TMED9: variants seen among roughly 807,000 people sequenced by gnomAD.
TMED9 encodes transmembrane p24 trafficking protein 9.
In TMED9, 22 loss-of-function variants were observed where a neutral mutation model predicts 30.6. That is an observed-to-expected ratio of 0.72 (90% CI 0.51 to 1.03). TMED9 has a LOEUF of 1.03. Ranked by LOEUF, TMED9 falls within the 50% of genes least tolerant of loss-of-function variation. The probability of loss-of-function intolerance (pLI) is 0.00; values close to 1 mark genes in which losing one functional copy is unlikely to be tolerated. For synonymous variants in TMED9, 146 were observed against 122.8 expected (o/e 1.19, Z -1.25); for missense variants, 251 against 302.1 (o/e 0.83, Z 1.25).
In TMED9 at chr5:177,595,252, T is replaced by C; in HGVS notation, c.559-15T>C. ...AGCCCCAGCCAACTCAGGCTCACCT[T>C]ATATTCCCCTGCAGTGGCGAGAGGA... is the stretch of plus-strand genomic sequence containing the variant. On this transcript the variant is annotated splice_polypyrimidine_tract_variant and intron_variant, in intron 4 of 4. Transcript: ENST00000332598. 1 of 1,551,718 alleles carries C rather than the reference T, an allele frequency of 6.4e-7. No homozygotes were observed. Among genetic ancestry groups the C allele is most frequent in the Non-Finnish European group, 8.8e-7 (1 of 1,139,902 alleles).
chr5:177,594,343 C>T (rs899606673), intron 4 of TMED9, 58 bp downstream of exon 4: 1 of 1,584,604 alleles, frequency 6.3e-7, no homozygotes, highest in Non-Finnish European at 8.6e-7. Context: ...ACTGGCTCAG[C>T]CAGGAATTTC....
At chr5:177,593,891 AC>A in intron 3 of TMED9, 116 bp downstream of exon 3, 1 of 1,447,114 alleles carries the variant, frequency 6.9e-7, no homozygotes, top group Non-Finnish European at 9.5e-7. Context: ...TCTCCTAAGA[AC>A]ACTGGGTTTC....
rs114995128 is a variant in TMED9, at chr5:177,596,571, C to T, written c.*1155C>T. ...ATTCTGCTGGAAGGAGATGGCAGGA[C>T]AGGGGTGGTTGGAGAAGTGGAGGCA... On this transcript the variant is annotated 3_prime_UTR_variant, in exon 5 of 5. Transcript: ENST00000332598. Among the ~76,000 whole-genome samples the T allele has an allele frequency of 2.6e-3, 403 of 152,188 alleles. 4 individuals are homozygous for T. The highest frequency in any genetic ancestry group is 8.5e-3 in the African/African-American group (351 of 41,518).
intron 3 of TMED9, 48 bp from the exon 4 acceptor site, chr5:177,594,091 A>G (rs1310282537): frequency 6.2e-7 from 1 of 1,608,212 alleles, no homozygotes; most frequent in Non-Finnish European, 8.5e-7. Context: ...TGGCAGGAAG[A>G]TGGAGCAGGG....
rs144584938 is a variant in TMED9 at position 177,593,456 on chromosome 5, G to C, written c.286-194G>C. On this transcript the variant is annotated intron_variant, in intron 2 of 4. Transcript: ENST00000332598. The stretch of plus-strand genomic sequence containing the variant: ...GCCACCCTAATGTCAGACTCTCAGA[G>C]TCTAAACACCTGCCCCAGAGAGTTC... 5.2e-4 allele frequency: 327 copies of C among 629,818 alleles called. 1 individual carries two copies. In the African/African-American group the frequency reaches 5.2e-3, roughly 10 times the overall value. 39.0% of individuals were successfully genotyped at this position (629,818 alleles called of 1,614,324 possible). A position where few individuals can be genotyped will look rare whatever the true frequency, so the allele number is the denominator to read the frequency against.
At chr5:177,592,519 C>T in intron 1 of TMED9, 56 bp from the exon 2 acceptor site, 1 of 1,572,584 alleles carries the variant, frequency 6.4e-7, no homozygotes, top group Non-Finnish European at 8.7e-7. Context: ...CAGGCGGTCG[C>T]GGAACCCATG....
intron 4 of TMED9, 69 bp downstream of exon 4, chr5:177,594,354 A>G: frequency 1.3e-6 from 2 of 1,568,220 alleles, no homozygotes; most frequent in Non-Finnish European, 1.7e-6. Flanking sequence ...CAGGAATTTC[A>G]CATTAAATTC....
rs1262857238 is a variant in TMED9, at chr5:177,595,885, G to A, written c.*469G>A. 6 of 153,106 alleles carry A rather than the reference G, an allele frequency of 3.9e-5. No homozygotes were observed. The highest frequency in any genetic ancestry group is 7.3e-5 in the Non-Finnish European group (5 of 68,388). The allele number at this position is 153,106 out of a possible 1,614,324, so 9.5% of individuals were successfully genotyped here. On this transcript the variant is annotated 3_prime_UTR_variant, in exon 5 of 5. Transcript: ENST00000332598. ...GCCTAGACCTGCTGATCCAGGGTGT[G>A]TGTGAGTTGAGGGTGGGTGGAGGGG...
intron 2 of TMED9, among the ~76,000 whole-genome samples, chr5:177,592,993 CCTT>C (rs1247548045): frequency 6.6e-6 from 1 of 152,064 alleles, no homozygotes; most frequent in Non-Finnish European, 1.5e-5. Context: ...TCAGCTCTCA[CCTT>C]CTGTCACTTT....
rs539246431 is a variant in TMED9 at position 177,592,692 on chromosome 5, C to G, written c.285+17C>G. ...GAGGACAAGGTGAGCCAACCGCCCC[C>G]CTCCTCTCCGCCAGCCTCTCAGCTA... On this transcript the variant is annotated intron_variant, in intron 2 of 4. Transcript: ENST00000332598. 7.7e-4 allele frequency: 1,190 copies of G among 1,555,186 alleles called. 1 individual carries two copies. The highest frequency in any genetic ancestry group is 9.1e-4 in the Non-Finnish European group (1,038 of 1,143,458).
In TMED9 at chr5:177,596,506, C is replaced by T. The variant is rs907525826; in HGVS notation, c.*1090C>T. Reference sequence around the variant, plus strand: ...CAAGGATGTTGATGGGCTAAACCAACAGCAAGTGATTTCAACCAGGACCAT... The same window carrying T: ...CAAGGATGTTGATGGGCTAAACCAATAGCAAGTGATTTCAACCAGGACCAT... On this transcript the variant is annotated 3_prime_UTR_variant, in exon 5 of 5. Coordinates refer to ENST00000332598, the MANE Select transcript of TMED9 (RefSeq NM_017510.6). Among the ~76,000 whole-genome samples, 12 of 152,160 alleles carry T rather than the reference C, an allele frequency of 7.9e-5. No individual in the cohort carries two copies. The highest frequency in any genetic ancestry group is 2.7e-4 in the African/African-American group (11 of 41,442).
At position 177,597,112 on chromosome 5, in the gene TMED9, GAAA is replaced by G; in HGVS notation, c.*1704_*1706del. Among the ~76,000 whole-genome samples the G allele has an allele frequency of 6.7e-6, 1 of 149,924 alleles. No homozygotes were observed. The highest frequency in any genetic ancestry group is 1.5e-5 in the Non-Finnish European group (1 of 67,374). ...ATGCTGCCAACTAATTCTTCCACAT[GAAA>G]AAAAAAAGTTTTTTGGCGGGCACGG... On this transcript the variant is annotated 3_prime_UTR_variant, in exon 5 of 5. Transcript: ENST00000332598.
At chr5:177,593,554 C>G in intron 2 of TMED9, 96 bp from the exon 3 acceptor site, 1 of 1,486,236 alleles carries the variant, frequency 6.7e-7, no homozygotes, top group Non-Finnish European at 9.2e-7. Context: ...AAAGGCTGTG[C>G]CTGTCAACTT....
chr5:177,593,201 C>T, intron 2 of TMED9: 1 of 166,624 alleles, frequency 6.0e-6, no homozygotes, highest in Admixed American at 5.9e-5. Context: ...TGGCGCACAC[C>T]TCTAATACCA....
chr5:177,594,208 TTGAG>T lies in TMED9; in HGVS notation c.487_490del (p.Glu163CysfsTer93). ...TGCAGAAATTGCTGCTAAAGACAAG[TTGAG>T]TGAGTTGCAGCTACGAGTGCGACAG... On this transcript the variant is annotated frameshift_variant, in exon 4 of 5. Transcript: ENST00000332598. LOFTEE classifies it high-confidence loss of function. 1 of 1,614,108 alleles carries T rather than the reference TTGAG, an allele frequency of 6.2e-7. No individual in the cohort carries two copies. Among genetic ancestry groups the T allele is most frequent in the Middle Eastern group, 1.7e-4 (1 of 6,060 alleles).
chr5:177,594,056 A>G (rs114303021), intron 3 of TMED9, 83 bp from the exon 4 acceptor site: 22,205 of 1,563,224 alleles, frequency 0.014, 174 homozygotes, highest in Non-Finnish European at 0.016. Flanking sequence ...AGATGAAGGA[A>G]AGTCGGGGAT....
chr5:177,592,552 G>C (rs1230655443), intron 1 of TMED9, 23 bp from the exon 2 acceptor site: 2 of 1,604,196 alleles, frequency 1.2e-6, no homozygotes, highest in Non-Finnish European at 1.7e-6. Flanking sequence ...CCTCTGACCT[G>C]GGCTCGCCCT....
In TMED9 at chr5:177,594,258, G is replaced by T; in HGVS notation, c.531G>T (p.Gln177His). Residue 177 changes from glutamine to histidine, a missense_variant, in exon 4 of 5, where the codon CAG becomes CAT. Gln to His is a conservative substitution (Grantham distance 24). This residue lies in a region of TMED9 where 153 missense variants were observed against 239.6 expected (regional missense o/e 0.64). Transcript: ENST00000332598. ...RVRQLVEQVEQIQKEQNYQRW... is the reference protein window; with the variant it reads ...RVRQLVEQVEHIQKEQNYQRW... ...GACAGCTGGTGGAACAAGTGGAGCA[G>T]ATCCAGAAAGAGCAGAACTACCAGC... 1 of 1,614,176 alleles carries T rather than the reference G, an allele frequency of 6.2e-7. No individual in the cohort carries two copies. Among genetic ancestry groups the T allele is most frequent in the Non-Finnish European group, 8.5e-7 (1 of 1,180,036 alleles).
rs913683606 is a variant in TMED9 at position 177,592,466 on chromosome 5, C to T, written c.184+68C>T. 7.0e-5 allele frequency: 109 copies of T among 1,554,394 alleles called. 1 individual carries two copies. The highest frequency in any genetic ancestry group is 9.2e-5 in the Non-Finnish European group (105 of 1,145,742). On this transcript the variant is annotated intron_variant, in intron 1 of 4. Transcript: ENST00000332598. Reference sequence around the variant, plus strand: ...TGGTCTTGGGGCGGGGGATGCGAGACAGTCAGCTCTCTAGAGCCGGGAGGA... The same window carrying T: ...TGGTCTTGGGGCGGGGGATGCGAGATAGTCAGCTCTCTAGAGCCGGGAGGA...
Sources: allele counts gnomAD v4.1 joint callset (sites outside exome capture counted in the v4.1 genomes callset), GRCh38; gene constraint gnomAD v4.1.1; regional missense constraint gnomAD v4.1.1; transcripts MANE v1.5; gene names NCBI Gene and HGNC (gene_info 2026-07-23, HGNC 2026-07-21).